Variants in SLC5A3 observed in about 807,000 individuals in gnomAD.
The protein encoded by SLC5A3 is solute carrier family 5 member 3, also known as sodium/myo-inositol cotransporter.
Under a neutral mutation model 43.2 loss-of-function variants are expected in SLC5A3, and 10 were observed. That is an observed-to-expected ratio of 0.23 (90% CI 0.14 to 0.39). The LOEUF (loss-of-function observed/expected upper bound fraction) is 0.39, where lower values mean the gene tolerates loss of function less well. SLC5A3 is among the 10% of genes least tolerant of loss of function. The pLI, the probability that SLC5A3 is intolerant of heterozygous loss-of-function variation, is 1.00. For synonymous variants in SLC5A3, 349 were observed against 322.0 expected (o/e 1.08, Z -0.90); for missense variants, 608 against 893.4 (o/e 0.68, Z 4.07).
chr21:34,102,645 G>A lies in SLC5A3; in HGVS notation c.*5290G>A. The A allele has an allele frequency of 1.0e-6, 1 of 1,000,096 alleles. No homozygotes were observed. The highest frequency in any genetic ancestry group is 1.2e-6 in the Non-Finnish European group (1 of 829,892). The allele number at this position is 1,000,096 out of a possible 1,614,324, so 62.0% of individuals were successfully genotyped here. A position where few individuals can be genotyped will look rare whatever the true frequency, so the allele number is the denominator to read the frequency against. ...AATGACTCTTAAATTTGGTTACCTG[G>A]GTTCACAGCTTGCTTGAAGAGAAAG... On this transcript the variant is annotated 3_prime_UTR_variant, in exon 2 of 2. Transcript: ENST00000381151.
rs1979081540 is a variant in SLC5A3 at position 34,098,591 on chromosome 21, C to T, written c.*1236C>T. 5.0e-6 allele frequency: 5 copies of T among 1,000,104 alleles called. No homozygotes were observed. The highest frequency in any genetic ancestry group is 6.0e-6 in the Non-Finnish European group (5 of 830,020). The allele number at this position is 1,000,104 out of a possible 1,614,324, so 62.0% of individuals were successfully genotyped here. On this transcript the variant is annotated 3_prime_UTR_variant, in exon 2 of 2. Transcript: ENST00000381151. ...AACAGAAAACTCAGTGCATACTTTG[C>T]TGTTGTTAGGTTGTCAATATAGTCT...
chr21:34,098,788 GCTCTACAGAT>G lies in SLC5A3; in HGVS notation c.*1434_*1443del. 1 of 1,000,220 alleles carries G rather than the reference GCTCTACAGAT, an allele frequency of 1.0e-6. No individual in the cohort carries two copies. Among genetic ancestry groups the G allele is most frequent in the South Asian group, 4.7e-5 (1 of 21,282 alleles). The allele number at this position is 1,000,220 out of a possible 1,614,324, so 62.0% of individuals were successfully genotyped here. On this transcript the variant is annotated 3_prime_UTR_variant, in exon 2 of 2. Coordinates refer to ENST00000381151, the MANE Select transcript of SLC5A3 (RefSeq NM_006933.7). ...AGGGTACAAAAGATGTTAGAGAAAA[GCTCTACAGAT>G]TACGTACTTCTGTGTCTTCGTATGC...
intron 1 of SLC5A3, among the ~76,000 whole-genome samples, chr21:34,084,350 G>GT (rs1223897666): frequency 1.3e-5 from 2 of 151,964 alleles, no homozygotes; most frequent in East Asian, 1.9e-4. Context: ...TCTAGAAACA[G>GT]TTTTTTTCTA....
Position 34,095,357 on chromosome 21 carries a change from C to G in SLC5A3, c.159C>G (p.Ala53=). The change falls in exon 2 of 2, where the codon GCC becomes GCG. Residue 53 remains alanine (A), a synonymous_variant. Transcript: ENST00000381151. ...CTATGACCTGGGTAGCAATTGGTGC[C>G]TCTCTGTTTGTGAGCAATATTGGGA... ...GRSMTWVAIG[A]SLFVSNIGSE... is the part of the protein sequence containing the mutation. 6.2e-7 allele frequency: 1 copy of G among 1,614,132 alleles called. No individual in the cohort carries two copies. The highest frequency in any genetic ancestry group is 8.5e-7 in the Non-Finnish European group (1 of 1,179,994).
chr21:34,082,501 T>C lies in SLC5A3; in HGVS notation c.-337+8756T>C, dbSNP rs144410508. Among the ~76,000 whole-genome samples the C allele has an allele frequency of 1.7e-3, 254 of 152,322 alleles. 1 individual carries two copies. Among genetic ancestry groups the C allele is most frequent in the African/African-American group, 5.9e-3 (244 of 41,552 alleles). On this transcript the variant is annotated intron_variant, in intron 1 of 1. Transcript: ENST00000381151. Reference sequence around the variant, plus strand: ...ACCTCTTAGGTGTTTGAAATACTACTGGCATGCAAAGATTGCTTTGCCTAG... The same window carrying C: ...ACCTCTTAGGTGTTTGAAATACTACCGGCATGCAAAGATTGCTTTGCCTAG...
rs1189213108 is a variant in SLC5A3 at position 34,096,638 on chromosome 21, T to C, written c.1440T>C (p.Leu480=). ...AFYGGMAGFV[L]GAVRLILAFA... ...ATGGTGGAATGGCTGGCTTTGTTCT[T>C]GGAGCAGTCCGTTTGATACTGGCCT... The change falls in exon 2 of 2, where the codon CTT becomes CTC. Residue 480 remains leucine, a synonymous_variant. Transcript: ENST00000381151. The surrounding 1 kb of genome is among the most constrained non-coding windows in gnomAD (Gnocchi z 5.9). 6.2e-7 allele frequency: 1 copy of C among 1,614,168 alleles called. No homozygotes were observed. Among genetic ancestry groups the C allele is most frequent in the South Asian group, 1.1e-5 (1 of 91,088 alleles).
intron 1 of SLC5A3, among the ~76,000 whole-genome samples, chr21:34,089,764 C>T (rs1369020698): frequency 1.3e-5 from 2 of 152,144 alleles, no homozygotes; most frequent in Non-Finnish European, 2.9e-5. Flanking sequence ...CTTCACCCAT[C>T]AGAATACAGC....
At chr21:34,086,517 T>TGTG (rs1978388281) in intron 1 of SLC5A3, among the ~76,000 whole-genome samples, 16 of 148,384 alleles carry the variant, frequency 1.1e-4, no homozygotes, top group African/African-American at 4.0e-4. Flanking sequence ...TAGTTTGTGT[T>TGTG]TGTGTGTGTG....
rs1337947592 is a variant in SLC5A3 at position 34,101,523 on chromosome 21, T to C, written c.*4168T>C. The C allele has an allele frequency of 3.0e-6, 3 of 1,000,080 alleles. No individual in the cohort carries two copies. The East Asian group carries it at 3.4e-4, about 113-fold the overall frequency. The allele number at this position is 1,000,080 out of a possible 1,614,324, so 62.0% of individuals were successfully genotyped here. ...TACAAATGGGATCTGTTTCTATATGTGTATATGCCCACTTACCATTCAGAG... is the reference window on the plus strand; with the variant it reads ...TACAAATGGGATCTGTTTCTATATGCGTATATGCCCACTTACCATTCAGAG... On this transcript the variant is annotated 3_prime_UTR_variant, in exon 2 of 2. Coordinates refer to ENST00000381151, the MANE Select transcript of SLC5A3 (RefSeq NM_006933.7).
chr21:34,101,773 G>A lies in SLC5A3; in HGVS notation c.*4418G>A, dbSNP rs1459844173. ...TATGTTTTAAGTATACTGAATTTCT[G>A]TTAGCTTAAAATGTTAATTCTCAGG... On this transcript the variant is annotated 3_prime_UTR_variant, in exon 2 of 2. Coordinates refer to ENST00000381151, the MANE Select transcript of SLC5A3 (RefSeq NM_006933.7). 2.0e-6 allele frequency: 2 copies of A among 995,950 alleles called. No individual in the cohort carries two copies. The highest frequency in any genetic ancestry group is 4.7e-5 in the South Asian group (1 of 21,182). 61.7% of individuals were successfully genotyped at this position (995,950 alleles called of 1,614,324 possible). A position where few individuals can be genotyped will look rare whatever the true frequency, so the allele number is the denominator to read the frequency against.
rs538281606 is a variant in SLC5A3 at position 34,105,029 on chromosome 21, A to G, written c.*7674A>G. The G allele has an allele frequency of 8.7e-5, 87 of 1,000,158 alleles. No homozygotes were observed. The African/African-American group carries it at 1.5e-3, about 17-fold the overall frequency. The allele number at this position is 1,000,158 out of a possible 1,614,324, so 62.0% of individuals were successfully genotyped here. A position where few individuals can be genotyped will look rare whatever the true frequency, so the allele number is the denominator to read the frequency against. ...TGAGATCTCTAACTTTTGAGTGGCA[A>G]ACAGATCAAGTCTTTTGCTCATAGA... On this transcript the variant is annotated 3_prime_UTR_variant, in exon 2 of 2. Coordinates refer to ENST00000381151, the MANE Select transcript of SLC5A3 (RefSeq NM_006933.7).
intron 1 of SLC5A3, among the ~76,000 whole-genome samples, chr21:34,082,651 A>AG (rs968719693): frequency 3.9e-5 from 6 of 152,138 alleles, no homozygotes; most frequent in African/African-American, 1.4e-4. Context: ...TAGAGGAGGG[A>AG]GGTGATGACA....
chr21:34,100,488 G>T lies in SLC5A3; in HGVS notation c.*3133G>T, dbSNP rs903017893. ...CAATAGCAATGGTGCTGTGTCCTTC[G>T]GCCTAAATTCAATAGATCTCATCTC... On this transcript the variant is annotated 3_prime_UTR_variant, in exon 2 of 2. Transcript: ENST00000381151. The T allele has an allele frequency of 6.0e-6, 6 of 999,958 alleles. No individual in the cohort carries two copies. Among genetic ancestry groups the T allele is most frequent in the Non-Finnish European group, 7.2e-6 (6 of 829,944 alleles). 61.9% of individuals were successfully genotyped at this position (999,958 alleles called of 1,614,324 possible). A position where few individuals can be genotyped will look rare whatever the true frequency, so the allele number is the denominator to read the frequency against.
chr21:34,098,515 G>C lies in SLC5A3; in HGVS notation c.*1160G>C, dbSNP rs908920567. 1.1e-5 allele frequency: 11 copies of C among 999,458 alleles called. No individual in the cohort carries two copies. Among genetic ancestry groups the C allele is most frequent in the Non-Finnish European group, 1.3e-5 (11 of 829,862 alleles). 61.9% of individuals were successfully genotyped at this position (999,458 alleles called of 1,614,324 possible). A position where few individuals can be genotyped will look rare whatever the true frequency, so the allele number is the denominator to read the frequency against. ...ATCTGTACACAGCCTCTACATTTTT[G>C]TTGTAGTGACTTAGAGCATAAGGAT... On this transcript the variant is annotated 3_prime_UTR_variant, in exon 2 of 2. Transcript: ENST00000381151.
intron 1 of SLC5A3, among the ~76,000 whole-genome samples, chr21:34,074,464 G>A (rs1355698562): frequency 7.9e-5 from 12 of 152,206 alleles, no homozygotes; most frequent in Non-Finnish European, 1.8e-4. Flanking sequence ...CCCTGCTTTT[G>A]ATTGATCTTG....
chr21:34,100,133 G>A lies in SLC5A3; in HGVS notation c.*2778G>A, dbSNP rs1300765153. The A allele has an allele frequency of 4.0e-6, 4 of 998,864 alleles. No homozygotes were observed. The East Asian group carries it at 4.5e-4, about 113-fold the overall frequency. 61.9% of individuals were successfully genotyped at this position (998,864 alleles called of 1,614,324 possible). ...CAGAATTGAAGCTTGATATTGACTAGAATAGCTAAAAGTCAAAATGAGGTG... is the reference window on the plus strand; with the variant it reads ...CAGAATTGAAGCTTGATATTGACTAAAATAGCTAAAAGTCAAAATGAGGTG... On this transcript the variant is annotated 3_prime_UTR_variant, in exon 2 of 2. Transcript: ENST00000381151.
chr21:34,102,768 A>G lies in SLC5A3; in HGVS notation c.*5413A>G. The G allele has an allele frequency of 2.0e-6, 2 of 1,000,158 alleles. No homozygotes were observed. The highest frequency in any genetic ancestry group is 1.1e-4 in the East Asian group (1 of 8,814). The allele number at this position is 1,000,158 out of a possible 1,614,324, so 62.0% of individuals were successfully genotyped here. ...AGTGTGGGAACAGTGGTTTTGCTCT[A>G]TACCACTGAAAAGCACTATAACATA... On this transcript the variant is annotated 3_prime_UTR_variant, in exon 2 of 2. Transcript: ENST00000381151.
intron 1 of SLC5A3, among the ~76,000 whole-genome samples, chr21:34,076,071 T>A (rs569277007): frequency 1.3e-3 from 195 of 152,330 alleles, no homozygotes; most frequent in Non-Finnish European, 1.7e-3. Flanking sequence ...ATGATGTATT[T>A]TCCTTTCCTC....
In SLC5A3 at chr21:34,094,857, T is replaced by G; in HGVS notation, c.-336-6T>G. The G allele has an allele frequency of 4.7e-6, 1 of 213,308 alleles. No homozygotes were observed. The highest frequency in any genetic ancestry group is 9.2e-6 in the Non-Finnish European group (1 of 109,162). The allele number at this position is 213,308 out of a possible 1,614,324, so 13.2% of individuals were successfully genotyped here. On this transcript the variant is annotated splice_region_variant and splice_polypyrimidine_tract_variant and intron_variant, in intron 1 of 1. Coordinates refer to ENST00000381151, the MANE Select transcript of SLC5A3 (RefSeq NM_006933.7). Reference sequence around the variant, plus strand: ...ATCTTTGTCTTTTGTCTCTGCTGCCTTGCAGGGTTGGTACAGTAGGCTTCA... The same window carrying G: ...ATCTTTGTCTTTTGTCTCTGCTGCCGTGCAGGGTTGGTACAGTAGGCTTCA...
Sources: gnomAD v4.1 joint callset for allele counts (sites outside exome capture counted in the v4.1 genomes callset) on GRCh38, gnomAD v4.1.1 for gene constraint, Gnocchi (gnomAD v3.1) non-coding constraint, MANE v1.5 for transcripts, NCBI Gene and HGNC (gene_info 2026-07-23, HGNC 2026-07-21) for gene names.